SPATA9: variants seen among roughly 807,000 people sequenced by gnomAD.
SPATA9 encodes spermatogenesis associated 9.
Under a neutral mutation model 25.5 loss-of-function variants are expected in SPATA9, and 27 were observed. The ratio of observed to expected loss-of-function variants is 1.06; its 90% CI spans 0.78 to 1.46. The LOEUF is 1.46. Ranked by LOEUF, SPATA9 falls within the 40% of genes most tolerant of loss-of-function variation. SPATA9 has a pLI of 0.00. For synonymous variants in SPATA9, 102 were observed against 105.7 expected, an observed-to-expected ratio of 0.97 and a Z score of 0.21; for missense variants, 282 against 297.5, an observed-to-expected ratio of 0.95 and a Z score of 0.38.
At chr5:95,720,420 G>A in the SPATA9 span, among the ~76,000 whole-genome samples, 1 of 152,174 alleles carries the variant, frequency 6.6e-6, no homozygotes, top group African/African-American at 2.4e-5. Flanking sequence ...AAGGACTGAG[G>A]AATTTATATT....
At chr5:95,731,626 G>A in the SPATA9 span, 2 of 1,609,064 alleles carry the variant, frequency 1.2e-6, no homozygotes, top group African/African-American at 1.3e-5. Flanking sequence ...GGGGCCCCGC[G>A]AAGCCGTGAG....
chr5:95,714,242 T>TA, the SPATA9 span, among the ~76,000 whole-genome samples: 1 of 152,000 alleles, frequency 6.6e-6, no homozygotes, highest in Non-Finnish European at 1.5e-5. Context: ...AAGAGAGTAA[T>TA]ATGGGATCTG....
the SPATA9 span, among the ~76,000 whole-genome samples, chr5:95,707,666 C>T: frequency 2.0e-5 from 3 of 152,132 alleles, no homozygotes; most frequent in Non-Finnish European, 4.4e-5. Context: ...ATATAGCTTG[C>T]CACAGTATCT....
intron 2 of SPATA9, among the ~76,000 whole-genome samples, chr5:95,680,222 A>G (rs987689771): frequency 2.0e-5 from 3 of 152,150 alleles, no homozygotes; most frequent in African/African-American, 4.8e-5. Context: ...TTAGAAATGT[A>G]TAGGCTCAGT....
At chr5:95,696,661 G>A in intron 1 of SPATA9, among the ~76,000 whole-genome samples, 1 of 152,144 alleles carries the variant, frequency 6.6e-6, no homozygotes. Context: ...AGGACTGCTT[G>A]GGGTCAGGAG....
intron 4 of SPATA9, among the ~76,000 whole-genome samples, chr5:95,661,748 C>T (rs764383035): frequency 4.6e-5 from 7 of 151,672 alleles, no homozygotes; most frequent in Non-Finnish European, 1.0e-4. Flanking sequence ...TAAGTTCTAC[C>T]TTTTTTCAAG....
chr5:95,731,687 A>T, the SPATA9 span: 2 of 1,613,356 alleles, frequency 1.2e-6, no homozygotes, highest in East Asian at 2.2e-5. Flanking sequence ...GAGATCATGT[A>T]CGTACGCGCC....
downstream of SPATA9, chr5:95,656,004 T>A: frequency 1.3e-6 from 2 of 1,587,182 alleles, no homozygotes; most frequent in East Asian, 4.5e-5. Context: ...ATCAAGAACA[T>A]TTGACATGTC....
the SPATA9 span, among the ~76,000 whole-genome samples, chr5:95,704,865 A>G: frequency 6.6e-6 from 1 of 152,082 alleles, no homozygotes; most frequent in Non-Finnish European, 1.5e-5. Flanking sequence ...CATATAGTGG[A>G]TGAGACAGAG....
chr5:95,653,043 A>G (rs1750452814), exon 9 of SPATA9: 1 of 1,535,256 alleles, frequency 6.5e-7, no homozygotes, highest in Non-Finnish European at 8.8e-7. Flanking sequence ...CTTGCATATT[A>G]TGTTCCAGTC....
the SPATA9 span, chr5:95,713,607 CTT>C: frequency 6.6e-6 from 1 of 152,070 alleles, no homozygotes; most frequent in Non-Finnish European, 1.5e-5. Flanking sequence ...CATTAAATCT[CTT>C]TTCTTTATAA....
At chr5:95,664,549 A>G (rs1751572968) in intron 3 of SPATA9, among the ~76,000 whole-genome samples, 1 of 152,220 alleles carries the variant, frequency 6.6e-6, no homozygotes, top group African/African-American at 2.4e-5. Flanking sequence ...CTGTGCTCAT[A>G]TGCAACAGGC....
the SPATA9 span, among the ~76,000 whole-genome samples, chr5:95,712,443 C>G: frequency 2.0e-5 from 3 of 152,170 alleles, no homozygotes; most frequent in African/African-American, 7.2e-5. Flanking sequence ...ATGCAACTTT[C>G]TCCTTGTTCA....
chr5:95,702,329 C>T (rs1378392197), upstream of SPATA9, among the ~76,000 whole-genome samples: 1 of 152,128 alleles, frequency 6.6e-6, no homozygotes, highest in Non-Finnish European at 1.5e-5. Flanking sequence ...AAATACGTAT[C>T]TGATTTGGAA....
At chr5:95,676,674 A>G (rs1752975995) in intron 2 of SPATA9, among the ~76,000 whole-genome samples, 1 of 152,160 alleles carries the variant, frequency 6.6e-6, no homozygotes, top group South Asian at 2.1e-4. Flanking sequence ...TTTGAATTCT[A>G]CCATCATCTA....
downstream of SPATA9, chr5:95,656,443 T>C: frequency 1.5e-6 from 1 of 650,646 alleles, no homozygotes; most frequent in Admixed American, 2.9e-5. Flanking sequence ...ATTTGAGAGG[T>C]TTAAGAGCAC....
At chr5:95,653,934 A>G (rs1750536667), downstream of SPATA9, 4 of 636,504 alleles carry the variant, frequency 6.3e-6, no homozygotes, top group South Asian at 2.2e-5. Flanking sequence ...AATGTTTTAT[A>G]TAGCTACAGA....
the SPATA9 span, among the ~76,000 whole-genome samples, chr5:95,704,945 G>A: frequency 6.6e-6 from 1 of 150,694 alleles, no homozygotes; most frequent in Non-Finnish European, 1.5e-5. Flanking sequence ...TGAGGATAGA[G>A]TACTTTTTTT....
At chr5:95,694,835 C>A (rs1172801637) in intron 1 of SPATA9, among the ~76,000 whole-genome samples, 1 of 152,080 alleles carries the variant, frequency 6.6e-6, no homozygotes, top group African/African-American at 2.4e-5. Flanking sequence ...CCCTTTCTAC[C>A]AGGGAGGGCA....
Sources: gnomAD v4.1 joint callset for allele counts (sites outside exome capture counted in the v4.1 genomes callset) on GRCh38, gnomAD v4.1.1 for gene constraint, MANE v1.5 for transcripts, NCBI Gene and HGNC (gene_info 2026-07-23, HGNC 2026-07-21) for gene names.